The following CLASRP variants were observed in gnomAD, a reference collection of about 807,000 sequenced individuals.
The protein encoded by CLASRP is CLK4 associating serine/arginine rich protein, also known as CLK4-associating serine/arginine rich protein.
Under a neutral mutation model 99.9 loss-of-function variants are expected in CLASRP, and 52 were observed. That is an observed-to-expected ratio of 0.52 (90% CI 0.42 to 0.66). The LOEUF (loss-of-function observed/expected upper bound fraction) is 0.66, where lower values mean the gene tolerates loss of function less well. Among genes scored for constraint, CLASRP ranks in the 30% least tolerant of loss-of-function variants. The pLI, the probability that CLASRP is intolerant of heterozygous loss-of-function variation, is 0.00. For synonymous variants in CLASRP, 379 were observed against 373.0 expected (o/e 1.02, Z -0.18); for missense variants, 848 against 999.2 (o/e 0.85, Z 2.04).
In CLASRP at chr19:45,067,424, C is replaced by T. The variant is rs1424376487; in HGVS notation, c.1497C>T (p.Ser499=). Residue 499 remains serine, a synonymous_variant, in exon 14 of 21, where the codon TCC becomes TCT. Coordinates refer to ENST00000221455, the MANE Select transcript of CLASRP (RefSeq NM_007056.3). The surrounding 1 kb of genome is among the most constrained non-coding windows in gnomAD (Gnocchi z 4.9). Reference sequence around the variant, plus strand: ...GTAGCCGCAGCCGCAGCAGCTGGTCCCTCAGCCCGTCCCGCAGTCGCAGCC... The same window carrying T: ...GTAGCCGCAGCCGCAGCAGCTGGTCTCTCAGCCCGTCCCGCAGTCGCAGCC... ...HSSSRSRSSW[S]LSPSRSRSLT... 1 of 1,535,006 alleles carries T rather than the reference C, an allele frequency of 6.5e-7. No homozygotes were observed. The highest frequency in any genetic ancestry group is 2.0e-5 in the Admixed American group (1 of 50,998).
rs747260553 is a variant in CLASRP, at chr19:45,052,901, C to A, written c.299+9C>A. On this transcript the variant is annotated intron_variant, in intron 4 of 20. Coordinates refer to ENST00000221455, the MANE Select transcript of CLASRP (RefSeq NM_007056.3). ...CCTCTGCTCACCACCATGTAAGCCACCTCCCAGGGGGTTGCCAGGCACAGC... is the reference window on the plus strand; with the variant it reads ...CCTCTGCTCACCACCATGTAAGCCAACTCCCAGGGGGTTGCCAGGCACAGC... The A allele has an allele frequency of 1.9e-6, 3 of 1,597,678 alleles. No individual in the cohort carries two copies. Among genetic ancestry groups the A allele is most frequent in the Non-Finnish European group, 2.6e-6 (3 of 1,172,624 alleles).
chr19:45,050,022 G>C (rs1388263088), intron 2 of CLASRP, among the ~76,000 whole-genome samples: 1 of 152,166 alleles, frequency 6.6e-6, no homozygotes, highest in Non-Finnish European at 1.5e-5. Context: ...ACGGCTTTTA[G>C]GAGGAGATCT....
chr19:45,040,190 GC>G lies in CLASRP; in HGVS notation c.-19del. 1 of 1,579,500 alleles carries G rather than the reference GC, an allele frequency of 6.3e-7. No individual in the cohort carries two copies. The highest frequency in any genetic ancestry group is 1.1e-5 in the South Asian group (1 of 87,034). On this transcript the variant is annotated 5_prime_UTR_variant, in exon 2 of 21. Transcript: ENST00000221455. Reference sequence around the variant, plus strand: ...TGGTCCCTTCATCCCTCAGGTTGAGGCCCCAGGCTTGGCCTCACCACAATGT... The same window carrying G: ...TGGTCCCTTCATCCCTCAGGTTGAGGCCCAGGCTTGGCCTCACCACAATGT...
chr19:45,055,600 T>C (rs1420591517), intron 5 of CLASRP, among the ~76,000 whole-genome samples: 1 of 152,146 alleles, frequency 6.6e-6, no homozygotes, highest in Non-Finnish European at 1.5e-5. Context: ...TTTGGGAGGT[T>C]GAGGCGGTGG....
chr19:45,070,532 T>C lies in CLASRP; in HGVS notation c.1958-5T>C, dbSNP rs748705648. On this transcript the variant is annotated splice_region_variant and splice_polypyrimidine_tract_variant and intron_variant, in intron 19 of 20. Coordinates refer to ENST00000221455, the MANE Select transcript of CLASRP (RefSeq NM_007056.3). Reference sequence around the variant, plus strand: ...CTCGCTCTTCACCTGTTGTTTTCTTTCCAGGTCGAGAATACAGCTCTTCTC... The same window carrying C: ...CTCGCTCTTCACCTGTTGTTTTCTTCCCAGGTCGAGAATACAGCTCTTCTC... 2 of 1,613,946 alleles carry C rather than the reference T, an allele frequency of 1.2e-6. No homozygotes were observed. Among genetic ancestry groups the C allele is most frequent in the Non-Finnish European group, 8.5e-7 (1 of 1,179,848 alleles).
chr19:45,052,773 G>T lies in CLASRP; in HGVS notation c.198-18G>T. ...TGGACCCTGAGGTTCTTGCTTTCTTGCTCCCCTCCCACTTCAGGATGCCCT... is the reference window on the plus strand; with the variant it reads ...TGGACCCTGAGGTTCTTGCTTTCTTTCTCCCCTCCCACTTCAGGATGCCCT... On this transcript the variant is annotated intron_variant, in intron 3 of 20. Transcript: ENST00000221455. The T allele has an allele frequency of 1.9e-6, 3 of 1,593,568 alleles. No individual in the cohort carries two copies. The highest frequency in any genetic ancestry group is 2.6e-6 in the Non-Finnish European group (3 of 1,164,366).
rs201698145 is a variant in CLASRP, at chr19:45,070,817, G to A, written c.1997G>A (p.Arg666Gln). 2.0e-5 allele frequency: 32 copies of A among 1,591,844 alleles called. No homozygotes were observed. Among genetic ancestry groups the A allele is most frequent in the East Asian group, 9.1e-5 (4 of 44,184 alleles). ...YSSSRRRSRS[R>Q]SRSPHYRH ...TCTCTTTCCAGGCGCTCAAGGTCCC[G>A]ATCCCGAAGCCCCCATTACCGACAT... Residue 666 changes from arginine to glutamine, a missense_variant, in exon 21 of 21, where the codon CGA becomes CAA. Physicochemically the swap from Arg to Gln is conservative, Grantham distance 43 (BLOSUM62 1). Coordinates refer to ENST00000221455, the MANE Select transcript of CLASRP (RefSeq NM_007056.3).
chr19:45,066,381 G>A (rs1202478587), intron 13 of CLASRP, among the ~76,000 whole-genome samples: 1 of 152,036 alleles, frequency 6.6e-6, no homozygotes, highest in Admixed American at 6.6e-5. Flanking sequence ...GCCTCCCAAA[G>A]TGCTGGGATT....
intron 11 of CLASRP, among the ~76,000 whole-genome samples, chr19:45,062,752 T>C (rs1280353087): frequency 6.6e-6 from 1 of 152,172 alleles, no homozygotes. Flanking sequence ...AGCCTTGTGG[T>C]AAAAATGACC....
At chr19:45,051,740 G>A (rs1413605063) in intron 2 of CLASRP, among the ~76,000 whole-genome samples, 4 of 152,050 alleles carry the variant, frequency 2.6e-5, no homozygotes, top group South Asian at 2.1e-4. Context: ...AGGCTGAGGC[G>A]GGTGGATCAC....
Position 45,052,181 on chromosome 19 carries a change from T to A in CLASRP, c.197+13T>A, listed in dbSNP as rs1337238750. 6.2e-7 allele frequency: 1 copy of A among 1,610,164 alleles called. No homozygotes were observed. The highest frequency in any genetic ancestry group is 8.5e-7 in the Non-Finnish European group (1 of 1,176,628). On this transcript the variant is annotated intron_variant, in intron 3 of 20. Transcript: ENST00000221455. ...GCCCTGTTAATATGTAAGACTGATA[T>A]GGAAGGCAGGGGAGTGTCTGAAGTC...
chr19:45,067,203 G>T lies in CLASRP; in HGVS notation c.1410-134G>T. 9.6e-7 allele frequency: 1 copy of T among 1,042,048 alleles called. No individual in the cohort carries two copies. Among genetic ancestry groups the T allele is most frequent in the Non-Finnish European group, 1.3e-6 (1 of 745,408 alleles). 64.6% of individuals were successfully genotyped at this position (1,042,048 alleles called of 1,614,324 possible). On this transcript the variant is annotated intron_variant, in intron 13 of 20. Transcript: ENST00000221455. This position sits in a 1 kb window ranked among gnomAD's most constrained non-coding sequence, Gnocchi z 4.9. ...CGCTCTGGGACATTTTGGAGGGAGA[G>T]TAGCAGGAGAGGAGAGTCGAGCCTG...
chr19:45,052,785 C>T lies in CLASRP; in HGVS notation c.198-6C>T. 4 of 1,609,704 alleles carry T rather than the reference C, an allele frequency of 2.5e-6. No homozygotes were observed. The highest frequency in any genetic ancestry group is 3.4e-6 in the Non-Finnish European group (4 of 1,177,476). ...TTCTTGCTTTCTTGCTCCCCTCCCACTTCAGGATGCCCTGGCAGGGGGACA... is the reference window on the plus strand; with the variant it reads ...TTCTTGCTTTCTTGCTCCCCTCCCATTTCAGGATGCCCTGGCAGGGGGACA... On this transcript the variant is annotated splice_polypyrimidine_tract_variant and splice_region_variant and intron_variant, in intron 3 of 20. Coordinates refer to ENST00000221455, the MANE Select transcript of CLASRP (RefSeq NM_007056.3).
At chr19:45,042,916 T>C (rs1033345385) in intron 2 of CLASRP, among the ~76,000 whole-genome samples, 6 of 152,250 alleles carry the variant, frequency 3.9e-5, no homozygotes, top group African/African-American at 1.4e-4. Flanking sequence ...CACGCCCGGC[T>C]AGCTCCAAAA....
chr19:45,063,990 G>GCCT, intron 11 of CLASRP, 22 bp from the exon 12 acceptor site: 1 of 1,588,168 alleles, frequency 6.3e-7, no homozygotes, highest in Non-Finnish European at 8.6e-7. Flanking sequence ...GAGCTAGTGA[G>GCCT]CCTCCTCCTC....
chr19:45,070,314 C>T (rs1345271002), intron 19 of CLASRP, among the ~76,000 whole-genome samples: 1 of 152,180 alleles, frequency 6.6e-6, no homozygotes, highest in Non-Finnish European at 1.5e-5. Flanking sequence ...TACACACACA[C>T]ACACACAGAT....
chr19:45,041,227 CAAA>C (rs397945551), intron 2 of CLASRP, among the ~76,000 whole-genome samples: 5 of 59,892 alleles, frequency 8.3e-5, no homozygotes, highest in Admixed American at 2.0e-4. Context: ...GACTCTGTCT[CAAA>C]AAAAAAAAAA....
intron 11 of CLASRP, 65 bp downstream of exon 11, chr19:45,062,260 GA>G (rs964359472): frequency 7.5e-6 from 7 of 938,202 alleles, no homozygotes; most frequent in Admixed American, 1.7e-5. Flanking sequence ...CAGGGGTGCT[GA>G]GGAGGGGATG....
rs1227650219 is a variant in CLASRP, at chr19:45,057,897, C to T, written c.612C>T (p.Ile204=). 1.9e-6 allele frequency: 3 copies of T among 1,613,634 alleles called. No homozygotes were observed. The highest frequency in any genetic ancestry group is 1.1e-5 in the South Asian group (1 of 91,066). ...NSDEDEVIPD[I]DVEVDVDELN... is the part of the protein sequence containing the mutation. ...ACGAAGATGAGGTCATCCCCGACAT[C>T]GGTGGGGTCCCCTCTCTGCCCTCCC... The change falls in exon 7 of 21, where the codon ATC becomes ATT. Residue 204 remains isoleucine (I), a splice_region_variant and synonymous_variant. Coordinates refer to ENST00000221455, the MANE Select transcript of CLASRP (RefSeq NM_007056.3).
Sources: allele counts gnomAD v4.1 joint callset (sites outside exome capture counted in the v4.1 genomes callset), GRCh38; gene constraint gnomAD v4.1.1; non-coding constraint Gnocchi (gnomAD v3.1); transcripts MANE v1.5; gene names NCBI Gene and HGNC (gene_info 2026-07-23, HGNC 2026-07-21).